COBLL1: variants seen among roughly 807,000 people sequenced by gnomAD.
COBLL1 encodes cordon-bleu protein-like 1.
A neutral mutation model predicts 94.8 loss-of-function variants in COBLL1; 50 were observed. The ratio of observed to expected loss-of-function variants is 0.53; its 90% CI spans 0.42 to 0.67. The LOEUF is 0.67. Among genes scored for constraint, COBLL1 ranks in the 30% least tolerant of loss-of-function variants. The pLI is 0.00. For synonymous variants in COBLL1, 448 were observed against 473.8 expected (o/e 0.95, Z 0.71); for missense variants, 1,362 against 1,348.7 (o/e 1.01, Z -0.15).
chr2:164,837,722 A>T (rs1181933477), intron 2 of COBLL1, among the ~76,000 whole-genome samples: 1 of 152,168 alleles, frequency 6.6e-6, no homozygotes. Flanking sequence ...TTACATTTGA[A>T]TATATATAAA....
intron 2 of COBLL1, among the ~76,000 whole-genome samples, chr2:164,748,464 ATAAAC>A (rs908760797): frequency 6.6e-6 from 1 of 152,220 alleles, no homozygotes; most frequent in Non-Finnish European, 1.5e-5. Flanking sequence ...TTCTGATAAT[ATAAAC>A]TAAAGAGAAA....
At chr2:164,755,937 C>T (rs1212171829) in intron 2 of COBLL1, among the ~76,000 whole-genome samples, 3 of 152,126 alleles carry the variant, frequency 2.0e-5, no homozygotes, top group Non-Finnish European at 4.4e-5. Context: ...TCATTTCAGA[C>T]CTTTAATAGA....
chr2:164,693,458 A>C (rs1683725672), intron 12 of COBLL1, among the ~76,000 whole-genome samples: 1 of 152,162 alleles, frequency 6.6e-6, no homozygotes, highest in Admixed American at 6.6e-5. Context: ...TGTATTCTTT[A>C]AACACTATCA....
At chr2:164,710,642 G>T (rs904852918) in intron 7 of COBLL1, among the ~76,000 whole-genome samples, 1 of 149,344 alleles carries the variant, frequency 6.7e-6, no homozygotes, top group Admixed American at 6.7e-5. Flanking sequence ...TCAGCTCACT[G>T]CAACCTCCGC....
At chr2:164,722,027 G>A in intron 7 of COBLL1, 48 bp downstream of exon 7, 1 of 1,387,214 alleles carries the variant, frequency 7.2e-7, no homozygotes, top group Non-Finnish European at 9.9e-7. Flanking sequence ...AAAATAAATG[G>A]TACACTGCCT....
chr2:164,694,268 C>T lies in COBLL1; in HGVS notation c.3123+1G>A. The stretch of plus-strand genomic sequence containing the variant: ...CTTATTTTTAAAAAGGCTACAGTTA[C>T]CTTATCAGACACACCAAGCTGTGGG... On this transcript the variant is annotated splice_donor_variant, in intron 12 of 13. Transcript: ENST00000652658. LOFTEE classifies it high-confidence loss of function. The T allele has an allele frequency of 6.2e-7, 1 of 1,610,696 alleles. No individual in the cohort carries two copies. Among genetic ancestry groups the T allele is most frequent in the Non-Finnish European group, 8.5e-7 (1 of 1,178,360 alleles).
rs1685918514 is a variant in COBLL1, at chr2:164,730,115, A to C, written c.231T>G (p.Ser77Arg). 6.2e-7 allele frequency: 1 copy of C among 1,610,868 alleles called. No individual in the cohort carries two copies. Among genetic ancestry groups the C allele is most frequent in the African/African-American group, 1.3e-5 (1 of 74,844 alleles). The change falls in exon 4 of 14, where the codon AGT (serine) becomes AGG (arginine). Residue 77 changes from serine to arginine, a missense_variant and splice_region_variant. Ser to Arg is a moderately radical substitution (Grantham distance 110). Transcript: ENST00000652658. ...ATATCAACAAGTCCATCATAGGTTT[A>C]CTGTAAAACAAGAGTATTTCATTAC... ...DIIKSTTVHG[S>R]KPMMDLLIFL...
chr2:164,755,748 A>G (rs1267799994), intron 2 of COBLL1, among the ~76,000 whole-genome samples: 1 of 152,160 alleles, frequency 6.6e-6, no homozygotes, highest in Non-Finnish European at 1.5e-5. Flanking sequence ...AAAAGCTGTT[A>G]TTTCTTAAAT....
chr2:164,700,250 A>C (rs2198550), intron 10 of COBLL1, among the ~76,000 whole-genome samples: 62,256 of 151,968 alleles, frequency 0.41, 14,606 homozygotes, highest in African/African-American at 0.64. Context: ...AACACCCACA[A>C]AAAGAAAAAT....
At chr2:164,704,346 T>A (rs773767288) in intron 9 of COBLL1, 98 bp downstream of exon 9, 14 of 829,084 alleles carry the variant, frequency 1.7e-5, no homozygotes, top group Non-Finnish European at 2.6e-5. Context: ...AGAATCTGTA[T>A]CTCTTTCATG....
intron 2 of COBLL1, among the ~76,000 whole-genome samples, chr2:164,829,760 T>G (rs569089367): frequency 1.3e-5 from 2 of 152,308 alleles, no homozygotes; most frequent in East Asian, 3.9e-4. Context: ...ACTTTAAAAT[T>G]TTTTTCTTGA....
At chr2:164,794,521 A>G (rs73015535) in intron 2 of COBLL1, among the ~76,000 whole-genome samples, 5,624 of 152,058 alleles carry the variant, frequency 0.037, 340 homozygotes, top group African/African-American at 0.13. Context: ...GGGAAAATGC[A>G]GACACACCTC....
At chr2:164,819,638 C>G (rs1034719970) in intron 2 of COBLL1, among the ~76,000 whole-genome samples, 4 of 151,968 alleles carry the variant, frequency 2.6e-5, no homozygotes, top group Admixed American at 2.6e-4. Flanking sequence ...GGGAAAGAAA[C>G]AATTGTTCAG....
chr2:164,841,085 C>G lies in COBLL1; in HGVS notation c.41+71G>C. ...GCAGCGAGTTGCCAGCCAGGTGAAACGGCCGAGGCCTCGCTGTCCTCGCCG... is the reference window on the plus strand; with the variant it reads ...GCAGCGAGTTGCCAGCCAGGTGAAAGGGCCGAGGCCTCGCTGTCCTCGCCG... On this transcript the variant is annotated intron_variant, in intron 2 of 13. Coordinates refer to ENST00000652658, the MANE Select transcript of COBLL1 (RefSeq NM_001365672.2). The surrounding 1 kb of genome is among the most constrained non-coding windows in gnomAD (Gnocchi z 5.5). 8.2e-7 allele frequency: 1 copy of G among 1,222,168 alleles called. No homozygotes were observed. Among genetic ancestry groups the G allele is most frequent in the Non-Finnish European group, 1.0e-6 (1 of 980,110 alleles). The allele number at this position is 1,222,168 out of a possible 1,614,324, so 75.7% of individuals were successfully genotyped here. A position where few individuals can be genotyped will look rare whatever the true frequency, so the allele number is the denominator to read the frequency against.
intron 7 of COBLL1, among the ~76,000 whole-genome samples, chr2:164,707,932 G>T (rs1047353284): frequency 1.3e-5 from 2 of 152,096 alleles, no homozygotes; most frequent in African/African-American, 4.8e-5. Flanking sequence ...CTGCCAGAGA[G>T]AAAGGGAAGC....
chr2:164,758,601 A>G (rs1186530823), intron 2 of COBLL1, among the ~76,000 whole-genome samples: 1 of 152,118 alleles, frequency 6.6e-6, no homozygotes, highest in Non-Finnish European at 1.5e-5. Context: ...ATATGGGAGA[A>G]TCACTGTGGT....
chr2:164,699,070 A>G (rs1340001260), intron 11 of COBLL1, among the ~76,000 whole-genome samples: 1 of 138,236 alleles, frequency 7.2e-6, no homozygotes. Context: ...TTTAAGATCC[A>G]AAGTCTAAAT....
intron 2 of COBLL1, chr2:164,840,866 G>C (rs1260833689): frequency 2.9e-6 from 1 of 348,424 alleles, no homozygotes; most frequent in Non-Finnish European, 5.1e-6. Context: ...GGGTCCCTTT[G>C]TTACAATTTT....
chr2:164,827,738 T>G (rs1685500546), intron 2 of COBLL1, among the ~76,000 whole-genome samples: 1 of 152,212 alleles, frequency 6.6e-6, no homozygotes, highest in South Asian at 2.1e-4. Context: ...TATTTCACTC[T>G]CAAACGTACA....
Sources: allele counts gnomAD v4.1 joint callset (sites outside exome capture counted in the v4.1 genomes callset), GRCh38; gene constraint gnomAD v4.1.1; non-coding constraint Gnocchi (gnomAD v3.1); transcripts MANE v1.5; gene names NCBI Gene and HGNC (gene_info 2026-07-23, HGNC 2026-07-21).